The following KCNQ2 variants were observed in gnomAD, a reference collection of about 807,000 sequenced individuals.
The protein encoded by KCNQ2 is potassium voltage-gated channel subfamily Q member 2.
Under a neutral mutation model 84.8 loss-of-function variants are expected in KCNQ2, and 14 were observed. The ratio of observed to expected loss-of-function variants is 0.17; its 90% CI spans 0.11 to 0.26. The LOEUF (loss-of-function observed/expected upper bound fraction) is 0.26. Among genes scored for constraint, KCNQ2 ranks in the 10% least tolerant of loss-of-function variants. The probability of loss-of-function intolerance (pLI) is 1.00; values close to 1 mark genes in which losing one functional copy is unlikely to be tolerated. For missense variants in KCNQ2, 788 were observed against 1,254.0 expected, an observed-to-expected ratio of 0.63 and a Z score of 5.61; for synonymous variants, 599 against 554.1, an observed-to-expected ratio of 1.08 and a Z score of -1.14.
chr20:63,457,133 G>A (rs755305965), intron 1 of KCNQ2, among the ~76,000 whole-genome samples: 22 of 152,336 alleles, frequency 1.4e-4, no homozygotes, highest in South Asian at 4.1e-4. Context: ...GGCGTGAACC[G>A]GGCATGAACC....
chr20:63,413,425 C>A, intron 15 of KCNQ2, 25 bp downstream of exon 15: 1 of 1,612,830 alleles, frequency 6.2e-7, no homozygotes, highest in Non-Finnish European at 8.5e-7. Flanking sequence ...TTGTCCCCTG[C>A]TGGACAGGCA....
intron 4 of KCNQ2, among the ~76,000 whole-genome samples, chr20:63,444,223 G>C (rs926274519): frequency 1.6e-4 from 24 of 152,196 alleles, no homozygotes; most frequent in Non-Finnish European, 2.4e-4. Flanking sequence ...CAGCATGTGT[G>C]GCCACAGCCA....
intron 1 of KCNQ2, among the ~76,000 whole-genome samples, chr20:63,455,192 C>T (rs989186973): frequency 6.6e-6 from 1 of 152,212 alleles, no homozygotes; most frequent in African/African-American, 2.4e-5. Context: ...AGCTTCTCTG[C>T]AGCCCAGAAT....
intron 15 of KCNQ2, among the ~76,000 whole-genome samples, chr20:63,413,054 CAT>C (rs990191128): frequency 8.5e-4 from 129 of 152,168 alleles, no homozygotes; most frequent in Non-Finnish European, 1.6e-4. Flanking sequence ...CACATGCACA[CAT>C]GTGTACACAC....
chr20:63,414,132 G>C lies in KCNQ2; in HGVS notation c.1587C>G (p.Thr529=). Residue 529 remains threonine, a synonymous_variant, in exon 14 of 17, where the codon ACC becomes ACG. Transcript: ENST00000359125. This position sits in a 1 kb window ranked among gnomAD's most constrained non-coding sequence, Gnocchi z 6.6. ...DDKSCPCEFV[T]EDLTPGLKVS... ...CTTTGAGGCCCGGGGTCAGGTCCTC[G>C]GTCACAAACTCGCAGGGGCAGCTCT... 6.2e-7 allele frequency: 1 copy of C among 1,613,718 alleles called. No individual in the cohort carries two copies. The highest frequency in any genetic ancestry group is 8.5e-7 in the Non-Finnish European group (1 of 1,179,958).
chr20:63,432,475 G>C (rs2080843748), intron 8 of KCNQ2, among the ~76,000 whole-genome samples: 1 of 146,350 alleles, frequency 6.8e-6, no homozygotes, highest in Admixed American at 6.7e-5. Flanking sequence ...CACAGGGAAG[G>C]CTCCACCCTC....
intron 8 of KCNQ2, 148 bp from the exon 9 acceptor site, chr20:63,431,517 T>C (rs2145656531): frequency 1.1e-6 from 1 of 874,112 alleles, no homozygotes; most frequent in Non-Finnish European, 1.9e-6. Context: ...GTTCTGTCCC[T>C]GCCCTGGGCT....
intron 14 of KCNQ2, 58 bp from the exon 15 acceptor site, chr20:63,413,639 C>T: frequency 6.2e-7 from 1 of 1,603,732 alleles, no homozygotes; most frequent in Non-Finnish European, 8.5e-7. Context: ...GCCACAGGCA[C>T]CAGGACCTTC....
chr20:63,425,802 A>G lies in KCNQ2; in HGVS notation c.1218-1596T>C, dbSNP rs2080611295. On this transcript the variant is annotated intron_variant, in intron 10 of 16. Transcript: ENST00000359125. This position sits in a 1 kb window ranked among gnomAD's most constrained non-coding sequence, Gnocchi z 5.5. ...GTCATGACAATCACTTAAATCAGGT[A>G]TGTGTGAGACCGTGGGTGTGCGCCA... 6.6e-6 allele frequency among the ~76,000 whole-genome samples: 1 copy of G among 152,204 alleles called. No individual in the cohort carries two copies. The highest frequency in any genetic ancestry group is 6.5e-5 in the Admixed American group (1 of 15,280).
intron 1 of KCNQ2, among the ~76,000 whole-genome samples, chr20:63,452,997 C>T (rs527987643): frequency 3.9e-5 from 6 of 152,310 alleles, no homozygotes; most frequent in African/African-American, 1.4e-4. Flanking sequence ...AAGCTCAAAG[C>T]GCAGCACCGC....
At chr20:63,430,015 G>A (rs1241033337) in intron 9 of KCNQ2, among the ~76,000 whole-genome samples, 1 of 152,212 alleles carries the variant, frequency 6.6e-6, no homozygotes, top group Non-Finnish European at 1.5e-5. Context: ...GCAGAGCCCA[G>A]CCTGGCCGGA....
chr20:63,443,120 TCAC>T (rs879894114), intron 4 of KCNQ2, among the ~76,000 whole-genome samples: 33 of 30,522 alleles, frequency 1.1e-3, no homozygotes, highest in African/African-American at 5.0e-3. Flanking sequence ...ACCACCACTA[TCAC>T]CACCACCACC....
intron 1 of KCNQ2, chr20:63,470,976 G>A (rs1325932888): frequency 2.6e-5 from 4 of 152,288 alleles, no homozygotes; most frequent in Admixed American, 2.6e-4. Flanking sequence ...CCCTGTAAGC[G>A]GCCTGGCATT....
Position 63,406,733 on chromosome 20 carries a change from C to T in KCNQ2, c.2530G>A (p.Asp844Asn). 1 of 1,609,650 alleles carries T rather than the reference C, an allele frequency of 6.2e-7. No homozygotes were observed. Among genetic ancestry groups the T allele is most frequent in the Non-Finnish European group, 8.5e-7 (1 of 1,178,854 alleles). ...IAEGESDTDS[D>N]LCTPCGPPPR... is the part of the protein sequence containing the mutation. ...GGGGGCCCGCACGGGGTACAGAGGT[C>T]GGAGTCGGTGTCTGACTCTCCCTCC... The change falls in exon 17 of 17, where the codon GAC (aspartate) becomes AAC (asparagine). Residue 844 changes from aspartate to asparagine, a missense_variant. This residue lies in a region of KCNQ2 where 378 missense variants were observed against 434.5 expected (regional missense o/e 0.87). Transcript: ENST00000359125.
Position 63,407,414 on chromosome 20 carries a change from TC to T in KCNQ2, c.1888-40del. 7.5e-6 allele frequency: 12 copies of T among 1,593,724 alleles called. No individual in the cohort carries two copies. Among genetic ancestry groups the T allele is most frequent in the Non-Finnish European group, 1.0e-5 (12 of 1,177,424 alleles). ...TGCTGGGCTGGGGTGCGAGGGCCCGTCCCAGGAGATGTGGGGACCCAGGCTG... is the reference window on the plus strand; with the variant it reads ...TGCTGGGCTGGGGTGCGAGGGCCCGTCCAGGAGATGTGGGGACCCAGGCTG... On this transcript the variant is annotated intron_variant, in intron 16 of 16. Coordinates refer to ENST00000359125, the MANE Select transcript of KCNQ2 (RefSeq NM_172107.4). The surrounding 1 kb of genome is among the most constrained non-coding windows in gnomAD (Gnocchi z 7.2).
chr20:63,465,147 C>A (rs1260985103), intron 1 of KCNQ2, among the ~76,000 whole-genome samples: 1 of 152,214 alleles, frequency 6.6e-6, no homozygotes, highest in African/African-American at 2.4e-5. Flanking sequence ...CAGAGCACTC[C>A]CATCAGGGGC....
chr20:63,456,668 G>A (rs1036367041), intron 1 of KCNQ2, among the ~76,000 whole-genome samples: 7 of 152,140 alleles, frequency 4.6e-5, no homozygotes, highest in Admixed American at 2.6e-4. Context: ...CAGCCCTACA[G>A]TCACGTGCCC....
chr20:63,433,233 T>G (rs1017295599), intron 8 of KCNQ2, among the ~76,000 whole-genome samples: 2 of 152,226 alleles, frequency 1.3e-5, no homozygotes, highest in African/African-American at 4.8e-5. Flanking sequence ...AGGCACTTTC[T>G]AGGCCCCCTT....
chr20:63,470,194 A>C (rs4809305), intron 1 of KCNQ2, among the ~76,000 whole-genome samples: 12,131 of 151,530 alleles, frequency 0.08, 994 homozygotes, highest in East Asian at 0.45. Flanking sequence ...CCTGAGTCCA[A>C]GCCACCCCTG....
Sources: gnomAD v4.1 joint callset for allele counts (sites outside exome capture counted in the v4.1 genomes callset) on GRCh38, gnomAD v4.1.1 for gene constraint, gnomAD v4.1.1 regional missense constraint, Gnocchi (gnomAD v3.1) non-coding constraint, MANE v1.5 for transcripts, NCBI Gene and HGNC (gene_info 2026-07-23, HGNC 2026-07-21) for gene names.